Variants in ZHX2 observed in about 807,000 individuals in gnomAD.
The protein encoded by ZHX2 is zinc fingers and homeoboxes 2, also known as zinc fingers and homeoboxes protein 2.
Under a neutral mutation model 21.9 loss-of-function variants are expected in ZHX2, and 6 were observed. That is an observed-to-expected ratio of 0.27 (90% confidence interval 0.15 to 0.54). ZHX2 has a LOEUF of 0.54. ZHX2 is among the 20% of genes least tolerant of loss of function. The pLI is 0.95. For synonymous variants in ZHX2, 434 were observed against 437.1 expected (o/e 0.99, Z 0.09); for missense variants, 908 against 1,090.7 (o/e 0.83, Z 2.36).
At chr8:122,920,178 G>A (rs1820703450) in intron 2 of ZHX2, among the ~76,000 whole-genome samples, 1 of 152,108 alleles carries the variant, frequency 6.6e-6, no homozygotes, top group African/African-American at 2.4e-5. Flanking sequence ...AGAGACTGAG[G>A]CAGGAGAATC....
intron 2 of ZHX2, among the ~76,000 whole-genome samples, chr8:122,900,978 T>G (rs1219493417): frequency 3.3e-5 from 5 of 152,218 alleles, no homozygotes; most frequent in Non-Finnish European, 7.3e-5. Context: ...CAGATACTTT[T>G]TATTCTCATG....
intron 2 of ZHX2, among the ~76,000 whole-genome samples, chr8:122,928,270 G>A (rs1820903337): frequency 1.3e-5 from 2 of 152,316 alleles, no homozygotes; most frequent in African/African-American, 2.4e-5. Context: ...CCTTGCTTTT[G>A]AGAATATTGG....
intron 2 of ZHX2, among the ~76,000 whole-genome samples, chr8:122,890,872 T>G (rs1221528606): frequency 6.6e-6 from 1 of 152,198 alleles, no homozygotes; most frequent in Non-Finnish European, 1.5e-5. Context: ...GCCTAGCTTT[T>G]TCTATATGAT....
At chr8:122,950,330 A>T (rs1813078202) in intron 2 of ZHX2, among the ~76,000 whole-genome samples, 1 of 152,158 alleles carries the variant, frequency 6.6e-6, no homozygotes, top group Admixed American at 6.5e-5. Context: ...GGAACAGAAA[A>T]CCAAACACCA....
intron 1 of ZHX2, among the ~76,000 whole-genome samples, chr8:122,821,129 G>A (rs80177606): frequency 2.6e-5 from 4 of 152,302 alleles, no homozygotes; most frequent in African/African-American, 7.2e-5. Context: ...ATGTTCTCGC[G>A]AATTCTAGAT....
chr8:122,836,964 A>C (rs946848654), intron 1 of ZHX2, among the ~76,000 whole-genome samples: 8 of 152,214 alleles, frequency 5.3e-5, no homozygotes, highest in African/African-American at 1.9e-4. Flanking sequence ...CTTGCAGATA[A>C]AACAGCTTGC....
intron 3 of ZHX2, among the ~76,000 whole-genome samples, chr8:122,959,779 T>G (rs901499714): frequency 6.6e-6 from 1 of 152,186 alleles, no homozygotes; most frequent in Admixed American, 6.5e-5. Flanking sequence ...TCTCAGGGAC[T>G]GCCCGTTAGT....
rs770031775 is a variant in ZHX2, at chr8:122,835,961, G to T, written c.-282-27516G>T. Among the ~76,000 whole-genome samples the T allele has an allele frequency of 1.4e-4, 21 of 151,980 alleles. 1 individual carries two copies. The highest frequency in any genetic ancestry group is 2.9e-4 in the Non-Finnish European group (20 of 68,028). ...GGCAGATATCTTGCCTGAGGCCTAA[G>T]GTTTTTAGGGTTTTTTTTTATGAGG... On this transcript the variant is annotated intron_variant, in intron 1 of 3. Transcript: ENST00000314393.
chr8:122,828,243 C>A lies in ZHX2; in HGVS notation c.-282-35234C>A, dbSNP rs1302202012. ...AGCACCCCTGTGGAGTGGACAGAAG[C>A]ACAGACCTAGGGCTTAGGAGAGGAA... On this transcript the variant is annotated intron_variant, in intron 1 of 3. Coordinates refer to ENST00000314393, the MANE Select transcript of ZHX2 (RefSeq NM_014943.5). The surrounding 1 kb of genome is among the most constrained non-coding windows in gnomAD (Gnocchi z 5.2). 1.3e-5 allele frequency among the ~76,000 whole-genome samples: 2 copies of A among 152,182 alleles called. No homozygotes were observed. The highest frequency in any genetic ancestry group is 2.9e-5 in the Non-Finnish European group (2 of 68,036).
intron 1 of ZHX2, among the ~76,000 whole-genome samples, chr8:122,834,555 C>A (rs1258749357): frequency 6.6e-6 from 1 of 152,236 alleles, no homozygotes; most frequent in Non-Finnish European, 1.5e-5. Context: ...ATTCGAAACT[C>A]TGCCTGTTTT....
At chr8:122,811,597 C>A (rs1042442852) in intron 1 of ZHX2, among the ~76,000 whole-genome samples, 1 of 152,122 alleles carries the variant, frequency 6.6e-6, no homozygotes, top group Non-Finnish European at 1.5e-5. Flanking sequence ...GCAGACAGAA[C>A]AGAAAGAGAA....
At chr8:122,875,203 T>G (rs1819543424) in intron 2 of ZHX2, among the ~76,000 whole-genome samples, 1 of 110,350 alleles carries the variant, frequency 9.1e-6, no homozygotes, top group Non-Finnish European at 1.9e-5. Flanking sequence ...ATCCTTTTAC[T>G]TTGCCTTCCT....
At chr8:122,947,776 G>A (rs911962964) in intron 2 of ZHX2, among the ~76,000 whole-genome samples, 2 of 151,986 alleles carry the variant, frequency 1.3e-5, no homozygotes, top group Non-Finnish European at 2.9e-5. Context: ...TGTGAGGGGA[G>A]TGAGGTCCTG....
At chr8:122,788,772 TC>T (rs1817452693) in intron 1 of ZHX2, among the ~76,000 whole-genome samples, 1 of 152,162 alleles carries the variant, frequency 6.6e-6, no homozygotes, top group Non-Finnish European at 1.5e-5. Flanking sequence ...CGGTTTTAGA[TC>T]GTGCTTTGGG....
intron 1 of ZHX2, among the ~76,000 whole-genome samples, chr8:122,842,656 C>T (rs1213639121): frequency 1.3e-5 from 2 of 151,956 alleles, no homozygotes; most frequent in Non-Finnish European, 2.9e-5. Flanking sequence ...GCAAGTGAGC[C>T]GAGATTGCAC....
intron 3 of ZHX2, among the ~76,000 whole-genome samples, chr8:122,957,159 A>G (rs1329273590): frequency 6.6e-6 from 1 of 152,068 alleles, no homozygotes; most frequent in East Asian, 1.9e-4. Flanking sequence ...GAACTTACCC[A>G]CATTCACCCA....
chr8:122,947,596 G>A (rs1813009786), intron 2 of ZHX2, among the ~76,000 whole-genome samples: 1 of 152,202 alleles, frequency 6.6e-6, no homozygotes, highest in East Asian at 1.9e-4. Flanking sequence ...GTCAGCTGTT[G>A]AAGAGTGCTG....
At chr8:122,887,931 T>C (rs1045192484) in intron 2 of ZHX2, among the ~76,000 whole-genome samples, 1 of 152,142 alleles carries the variant, frequency 6.6e-6, no homozygotes, top group Non-Finnish European at 1.5e-5. Flanking sequence ...TGACCCAGGC[T>C]GACCAGTGTT....
intron 1 of ZHX2, among the ~76,000 whole-genome samples, chr8:122,838,064 A>G (rs1342048599): frequency 6.6e-6 from 1 of 152,184 alleles, no homozygotes; most frequent in Non-Finnish European, 1.5e-5. Context: ...GGAGATTTGC[A>G]TTTCTAATAA....
Sources: gnomAD v4.1 joint callset for allele counts (sites outside exome capture counted in the v4.1 genomes callset) on GRCh38, gnomAD v4.1.1 for gene constraint, Gnocchi (gnomAD v3.1) non-coding constraint, MANE v1.5 for transcripts, NCBI Gene and HGNC (gene_info 2026-07-23, HGNC 2026-07-21) for gene names.